KIAA2012: variants seen among roughly 807,000 people sequenced by gnomAD.
KIAA2012 encodes the protein uncharacterized protein KIAA2012.
Under a neutral mutation model 150.6 loss-of-function variants are expected in KIAA2012, and 125 were observed. The ratio of observed to expected loss-of-function variants is 0.83; its 90% CI spans 0.72 to 0.96. The LOEUF (loss-of-function observed/expected upper bound fraction) is 0.96, where lower values mean the gene tolerates loss of function less well. KIAA2012 is among the 40% of genes least tolerant of loss of function. The probability of loss-of-function intolerance (pLI) is 0.00; values close to 1 mark genes in which losing one functional copy is unlikely to be tolerated. For synonymous variants in KIAA2012, 462 were observed against 504.7 expected (o/e 0.92, Z 1.13); for missense variants, 1,219 against 1,354.9 (o/e 0.90, Z 1.57).
intron 12 of KIAA2012, among the ~76,000 whole-genome samples, chr2:202,131,562 C>T (rs1452070162): frequency 6.6e-6 from 1 of 152,242 alleles, no homozygotes; most frequent in Non-Finnish European, 1.5e-5. Context: ...GAGACCACGT[C>T]CATGCCTTAA....
intron 21 of KIAA2012, among the ~76,000 whole-genome samples, chr2:202,196,430 C>T (rs1692416684): frequency 6.6e-6 from 1 of 151,542 alleles, no homozygotes; most frequent in South Asian, 2.1e-4. Flanking sequence ...CTCCTGACCT[C>T]GTGATCCGCC....
chr2:202,187,077 GACATCAGCCA>G lies in KIAA2012; in HGVS notation c.2363_2372del (p.Ala788ValfsTer6). 1.3e-6 allele frequency: 2 copies of G among 1,550,564 alleles called. No homozygotes were observed. The highest frequency in any genetic ancestry group is 1.7e-6 in the Non-Finnish European group (2 of 1,146,998). ...CTGAACCAAGACTGTTTAGCCAGGA[GACATCAGCCA>G]ACATCAGTCATGTGAGTGTAAACCC... On this transcript the variant is annotated frameshift_variant, in exon 17 of 24. Coordinates refer to ENST00000498697, the MANE Select transcript of KIAA2012 (RefSeq NM_001277372.4). LOFTEE classifies it high-confidence loss of function.
chr2:202,115,182 A>T (rs1690483890), intron 11 of KIAA2012: 2 of 152,418 alleles, frequency 1.3e-5, no homozygotes, highest in Admixed American at 1.3e-4. Context: ...ATTAGGTTGG[A>T]GCAAAAGTAA....
At chr2:202,080,303 TATA>T (rs1689419068) in intron 2 of KIAA2012, among the ~76,000 whole-genome samples, 1 of 152,256 alleles carries the variant, frequency 6.6e-6, no homozygotes, top group Non-Finnish European at 1.5e-5. Context: ...GTAGCATTTC[TATA>T]ATAAGCTATA....
At chr2:202,180,484 A>G (rs1396446329) in intron 15 of KIAA2012, among the ~76,000 whole-genome samples, 1 of 152,228 alleles carries the variant, frequency 6.6e-6, no homozygotes, top group Non-Finnish European at 1.5e-5. Context: ...AATAGACTGT[A>G]CATCCTTTAA....
chr2:202,150,064 G>C (rs1691391077), intron 13 of KIAA2012, among the ~76,000 whole-genome samples: 1 of 152,200 alleles, frequency 6.6e-6, no homozygotes, highest in South Asian at 2.1e-4. Context: ...TAGCTCAACT[G>C]AATCACATTG....
At chr2:202,178,088 A>C (rs2105734961) in intron 15 of KIAA2012, among the ~76,000 whole-genome samples, 1 of 152,316 alleles carries the variant, frequency 6.6e-6, no homozygotes, top group South Asian at 2.1e-4. Context: ...AATCCCAGCT[A>C]CTTGGGAGGC....
intron 15 of KIAA2012, among the ~76,000 whole-genome samples, chr2:202,180,953 G>A (rs914989672): frequency 6.6e-6 from 1 of 152,064 alleles, no homozygotes; most frequent in African/African-American, 2.4e-5. Flanking sequence ...ACATTCATAC[G>A]ATAACATACT....
intron 15 of KIAA2012, among the ~76,000 whole-genome samples, chr2:202,173,022 A>G (rs768125747): frequency 9.2e-5 from 14 of 152,192 alleles, no homozygotes; most frequent in Non-Finnish European, 2.1e-4. Context: ...GAAGTATTTC[A>G]AAGTTCTCCT....
intron 21 of KIAA2012, among the ~76,000 whole-genome samples, chr2:202,196,438 G>A (rs988332172): frequency 2.6e-5 from 4 of 151,114 alleles, no homozygotes; most frequent in African/African-American, 4.9e-5. Context: ...CTCGTGATCC[G>A]CCCGCCTCGG....
chr2:202,106,246 A>G (rs886608845), intron 9 of KIAA2012, among the ~76,000 whole-genome samples: 4 of 152,262 alleles, frequency 2.6e-5, no homozygotes, highest in Admixed American at 2.6e-4. Flanking sequence ...TCCCTAACTC[A>G]TCCCACCACT....
chr2:202,106,157 G>GGGA, intron 9 of KIAA2012: 1 of 1,118,818 alleles, frequency 8.9e-7, no homozygotes, highest in Non-Finnish European at 1.2e-6. Flanking sequence ...TTTTAACAGT[G>GGGA]TCCAGCTCAC....
At chr2:202,180,054 C>G in intron 15 of KIAA2012, 1 of 410,268 alleles carries the variant, frequency 2.4e-6, no homozygotes, top group Non-Finnish European at 4.8e-6. Flanking sequence ...GGAAGATCAC[C>G]TGAGGTCGGG....
chr2:202,098,114 C>T (rs976328922), intron 5 of KIAA2012, among the ~76,000 whole-genome samples: 1 of 152,216 alleles, frequency 6.6e-6, no homozygotes, highest in Non-Finnish European at 1.5e-5. Context: ...AATCCCAACA[C>T]TTTGGGAGAC....
At chr2:202,151,167 C>T (rs1020975808) in intron 13 of KIAA2012, among the ~76,000 whole-genome samples, 1 of 152,188 alleles carries the variant, frequency 6.6e-6, no homozygotes. Context: ...GAGGCCAAGG[C>T]GGGTGGACCA....
At chr2:202,081,523 TTC>T (rs890101163) in intron 2 of KIAA2012, among the ~76,000 whole-genome samples, 4 of 151,738 alleles carry the variant, frequency 2.6e-5, no homozygotes, top group African/African-American at 9.7e-5. Flanking sequence ...ACTTGTTACT[TTC>T]TGTTTTCTTT....
intron 22 of KIAA2012, among the ~76,000 whole-genome samples, chr2:202,200,115 G>C (rs181786225): frequency 2.3e-4 from 35 of 151,818 alleles, no homozygotes; most frequent in African/African-American, 8.0e-4. Flanking sequence ...ATTTTTAGTA[G>C]AGACGGGGGG....
chr2:202,139,397 C>T (rs1475793691), intron 13 of KIAA2012, among the ~76,000 whole-genome samples: 1 of 152,100 alleles, frequency 6.6e-6, no homozygotes, highest in Non-Finnish European at 1.5e-5. Flanking sequence ...TCCAGGGCCT[C>T]GGAGAACCTG....
In KIAA2012 at chr2:202,188,171, A is replaced by T. The variant is rs1348855311; in HGVS notation, c.2396A>T (p.Glu799Val). Reference protein sequence around the residue: ...NISHERDLINEAKRKEKPKKD... With the variant: ...NISHERDLINVAKRKEKPKKD... ...CTTTAGGAGAGGGATTTGATTAACG[A>T]GGCCAAGAGAAAGGAAAAACCCAAG... Residue 799 changes from glutamate (E) to valine (V), a missense_variant, in exon 18 of 24, where the codon GAG becomes GTG. By Grantham distance (121) the Glu-to-Val change is moderately radical. Transcript: ENST00000498697. 1.9e-6 allele frequency: 3 copies of T among 1,550,484 alleles called. No homozygotes were observed. The Admixed American group carries it at 5.9e-5, about 30-fold the overall frequency.
Sources: gnomAD v4.1 joint callset for allele counts (sites outside exome capture counted in the v4.1 genomes callset) on GRCh38, gnomAD v4.1.1 for gene constraint, MANE v1.5 for transcripts, NCBI Gene and HGNC (gene_info 2026-07-23, HGNC 2026-07-21) for gene names.